CD300A: variants seen among roughly 807,000 people sequenced by gnomAD.
CD300A encodes the protein CMRF35-like molecule 8.
A neutral mutation model predicts 33.6 loss-of-function variants in CD300A; 22 were observed. That is an observed-to-expected ratio of 0.66 (90% confidence interval 0.47 to 0.94). The LOEUF is 0.94. CD300A is among the 40% of genes least tolerant of loss of function. The probability of loss-of-function intolerance (pLI) is 0.00; values close to 1 mark genes in which losing one functional copy is unlikely to be tolerated. For missense variants in CD300A, 326 were observed against 360.5 expected (o/e 0.90, Z 0.77); for synonymous variants, 136 against 148.1 (o/e 0.92, Z 0.59).
At chr17:74,479,269 CT>C (rs1906681453) in intron 4 of CD300A, among the ~76,000 whole-genome samples, 1 of 151,972 alleles carries the variant, frequency 6.6e-6, no homozygotes, top group South Asian at 2.1e-4. Context: ...CAGAGTCTCA[CT>C]CTGTCACCCA....
intron 1 of CD300A, among the ~76,000 whole-genome samples, chr17:74,468,770 C>A (rs1340104350): frequency 6.6e-6 from 1 of 152,172 alleles, no homozygotes; most frequent in Non-Finnish European, 1.5e-5. Context: ...GATTCTCCTG[C>A]CTCAGCCTCT....
At chr17:74,472,304 C>T (rs530734623) in intron 1 of CD300A, among the ~76,000 whole-genome samples, 1 of 152,180 alleles carries the variant, frequency 6.6e-6, no homozygotes, top group East Asian at 1.9e-4. Flanking sequence ...CCCCACCATC[C>T]TTGAACAATA....
At position 74,470,088 on chromosome 17, in the gene CD300A, G is replaced by A. The variant is rs78976025; in HGVS notation, c.40+3345G>A. Reference sequence around the variant, plus strand: ...TGATCTTCAAGGAAAACGTTAAGACGACAGAGGAATATCCTGGTAGAGGAC... The same window carrying A: ...TGATCTTCAAGGAAAACGTTAAGACAACAGAGGAATATCCTGGTAGAGGAC... On this transcript the variant is annotated intron_variant, in intron 1 of 6. Transcript: ENST00000360141. 1.9e-4 allele frequency: 189 copies of A among 985,294 alleles called. 2 individuals carry two copies. In the East Asian group the frequency reaches 0.017, roughly 88 times the overall value. 61.0% of individuals were successfully genotyped at this position (985,294 alleles called of 1,614,324 possible).
intron 5 of CD300A, 79 bp from the exon 6 acceptor site, chr17:74,481,647 G>A (rs910237421): frequency 5.0e-6 from 5 of 1,002,648 alleles, no homozygotes; most frequent in Admixed American, 2.0e-5. Context: ...CATAGAGGAA[G>A]GGGAGACACA....
At chr17:74,478,717 T>G (rs571793403) in intron 4 of CD300A, among the ~76,000 whole-genome samples, 18 of 152,168 alleles carry the variant, frequency 1.2e-4, no homozygotes, top group African/African-American at 4.1e-4. Flanking sequence ...GAGACTGGGG[T>G]GGGAAGAGAT....
intron 1 of CD300A, among the ~76,000 whole-genome samples, chr17:74,472,023 C>T (rs1180805858): frequency 1.3e-5 from 2 of 151,924 alleles, no homozygotes; most frequent in African/African-American, 4.8e-5. Context: ...GGTGGATCAC[C>T]TGAGGTCAGG....
chr17:74,474,683 A>T lies in CD300A; in HGVS notation c.531A>T (p.Ser177=). ...IQEETEEVVN[S]QLPLLLSLLA... is the part of the protein sequence containing the mutation. Reference sequence around the variant, plus strand: ...AGGAAACTGAGGAGGTGGTGAACTCACAGTAAGCACCCTAGCCCCTGAGAC... The same window carrying T: ...AGGAAACTGAGGAGGTGGTGAACTCTCAGTAAGCACCCTAGCCCCTGAGAC... The change falls in exon 3 of 7, where the codon TCA becomes TCT. Residue 177 remains serine, a splice_region_variant and synonymous_variant. Transcript: ENST00000360141. 2 of 1,614,020 alleles carry T rather than the reference A, an allele frequency of 1.2e-6. No individual in the cohort carries two copies. Among genetic ancestry groups the T allele is most frequent in the Non-Finnish European group, 1.7e-6 (2 of 1,179,928 alleles).
At position 74,473,482 on chromosome 17, in the gene CD300A, C is replaced by T. The variant is rs972344830; in HGVS notation, c.41-54C>T. ...TCCATGCGGCCCTGACCCCAGGGCA[C>T]CCCTGACCAGGCTCATCTGAGGAGG... On this transcript the variant is annotated intron_variant, in intron 1 of 6. Coordinates refer to ENST00000360141, the MANE Select transcript of CD300A (RefSeq NM_007261.4). The T allele has an allele frequency of 6.4e-6, 10 of 1,554,558 alleles. No individual in the cohort carries two copies. The South Asian group carries it at 9.7e-5, about 15-fold the overall frequency.
In CD300A at chr17:74,484,224, G is replaced by A. The variant is rs549019632; in HGVS notation, c.*98G>A. 60 of 1,315,686 alleles carry A rather than the reference G, an allele frequency of 4.6e-5. No individual in the cohort carries two copies. Among genetic ancestry groups the A allele is most frequent in the South Asian group, 5.5e-5 (4 of 73,312 alleles). The allele number at this position is 1,315,686 out of a possible 1,614,324, so 81.5% of individuals were successfully genotyped here. ...CCCACGTCCTTCTCAGCCTGCCCTC[G>A]ACAACAGTGACCAACAGACAGGCAG... On this transcript the variant is annotated 3_prime_UTR_variant, in exon 7 of 7. Transcript: ENST00000360141.
chr17:74,466,768 G>A, intron 1 of CD300A, 25 bp downstream of exon 1: 2 of 1,576,890 alleles, frequency 1.3e-6, no homozygotes, highest in Non-Finnish European at 1.7e-6. Flanking sequence ...TCCCGGGAAA[G>A]TCTGCGGCAG....
upstream of CD300A, chr17:74,466,467 C>CA: frequency 3.4e-6 from 2 of 587,224 alleles, no homozygotes; most frequent in South Asian, 4.1e-5. Context: ...AGCCGAAGAA[C>CA]CTGCAGCCTC....
intron 3 of CD300A, among the ~76,000 whole-genome samples, chr17:74,475,146 A>G (rs893600781): frequency 3.9e-5 from 6 of 152,200 alleles, no homozygotes; most frequent in African/African-American, 1.4e-4. Context: ...GGCAAAAGGC[A>G]TGTCTTACAT....
rs1907138800 is a variant in CD300A at position 74,484,783 on chromosome 17, T to G, written c.*657T>G. ...ATCTTATTGAGGGAGAAGTAAAAAC[T>G]TATTTAAACAATGCCTGCTATGTGT... On this transcript the variant is annotated 3_prime_UTR_variant, in exon 7 of 7. Transcript: ENST00000360141. 1 of 152,138 alleles carries G rather than the reference T, an allele frequency of 6.6e-6. No homozygotes were observed. Among genetic ancestry groups the G allele is most frequent in the African/African-American group, 2.4e-5 (1 of 41,426 alleles). The allele number at this position is 152,138 out of a possible 1,614,324, so 9.4% of individuals were successfully genotyped here.
Position 74,474,559 on chromosome 17 carries a change from T to TA in CD300A, c.407_408insA (p.Thr137HisfsTer36). ...TCAACGTCAATGACACCTGCAAGTATCACTGCGGCCAAGACCTCAACAATC... is the reference window on the plus strand; with the variant it reads ...TCAACGTCAATGACACCTGCAAGTATACACTGCGGCCAAGACCTCAACAATC... On this transcript the variant is annotated frameshift_variant, in exon 3 of 7. Coordinates refer to ENST00000360141, the MANE Select transcript of CD300A (RefSeq NM_007261.4). LOFTEE classifies it high-confidence loss of function. 1 of 1,614,170 alleles carries TA rather than the reference T, an allele frequency of 6.2e-7. No homozygotes were observed. Among genetic ancestry groups the TA allele is most frequent in the African/African-American group, 1.3e-5 (1 of 75,058 alleles).
chr17:74,483,340 T>TC lies in CD300A; in HGVS notation c.775-661_775-660insC, dbSNP rs1598111892. 2.7e-5 allele frequency among the ~76,000 whole-genome samples: 4 copies of TC among 150,636 alleles called. No homozygotes were observed. The East Asian group carries it at 7.8e-4, about 29-fold the overall frequency. On this transcript the variant is annotated intron_variant, in intron 6 of 6. Transcript: ENST00000360141. The stretch of plus-strand genomic sequence containing the variant: ...TGCTTCGTTGTGAGAACTTTCCTTT[T>TC]TTTTTCTTTTCTTTTCTTTTTTTCT...
chr17:74,477,691 G>C (rs187064688), intron 4 of CD300A, among the ~76,000 whole-genome samples, 161 bp downstream of exon 4: 36 of 152,276 alleles, frequency 2.4e-4, no homozygotes, highest in Admixed American at 2.1e-3. Flanking sequence ...TCCCATGGGA[G>C]GCATCCTTGT....
intron 1 of CD300A, among the ~76,000 whole-genome samples, chr17:74,468,887 A>G (rs1905905579): frequency 6.6e-6 from 1 of 152,202 alleles, no homozygotes; most frequent in African/African-American, 2.4e-5. Context: ...CGAACTCCTG[A>G]GCTCAGGCAA....
intron 1 of CD300A, among the ~76,000 whole-genome samples, chr17:74,467,750 C>T (rs990363189): frequency 1.1e-4 from 16 of 152,204 alleles, no homozygotes; most frequent in African/African-American, 4.8e-5. Flanking sequence ...GTCATCCTCC[C>T]ATAACAGGTG....
rs1171940808 is a variant in CD300A, at chr17:74,477,436, G to T, written c.534G>T (p.Gln178His). ...CCTTACCATCCTGTGCCTCCTCCAG[G>T]CTCCCGCTGCTCCTCTCCCTGCTGG... ...QEETEEVVNS[Q>H]LPLLLSLLAL... The change falls in exon 4 of 7, where the codon CAG (glutamine) becomes CAT (histidine). Residue 178 changes from glutamine (Q) to histidine (H), a missense_variant and splice_region_variant. Transcript: ENST00000360141. The T allele has an allele frequency of 6.2e-7, 1 of 1,612,950 alleles. No individual in the cohort carries two copies. The highest frequency in any genetic ancestry group is 2.2e-5 in the East Asian group (1 of 44,868).
Sources: allele counts gnomAD v4.1 joint callset (sites outside exome capture counted in the v4.1 genomes callset), GRCh38; gene constraint gnomAD v4.1.1; transcripts MANE v1.5; gene names NCBI Gene and HGNC (gene_info 2026-07-23, HGNC 2026-07-21).